NEGR1: variants seen among roughly 807,000 people sequenced by gnomAD.
NEGR1 encodes neuronal growth regulator 1, also known as IgLON family member 4.
NEGR1 carries 10 observed loss-of-function variants against 40.9 expected under a neutral mutation model. The ratio of observed to expected loss-of-function variants is 0.24; its 90% CI spans 0.15 to 0.42. The LOEUF (loss-of-function observed/expected upper bound fraction) is 0.42, where lower values mean the gene tolerates loss of function less well. Ranked by LOEUF, NEGR1 falls within the 10% of genes least tolerant of loss-of-function variation. The probability of loss-of-function intolerance (pLI) is 1.00; values close to 1 mark genes in which losing one functional copy is unlikely to be tolerated. For missense variants in NEGR1, 352 were observed against 438.9 expected (o/e 0.80, Z 1.77); for synonymous variants, 185 against 166.8 (o/e 1.11, Z -0.84).
intron 4 of NEGR1, among the ~76,000 whole-genome samples, chr1:71,676,016 TTACC>T (rs1289078920): frequency 6.6e-6 from 1 of 152,140 alleles, no homozygotes; most frequent in East Asian, 1.9e-4. Flanking sequence ...TTCCACCATG[TTACC>T]TACCAAATTT....
intron 4 of NEGR1, among the ~76,000 whole-genome samples, chr1:71,674,463 T>C (rs1329845255): frequency 6.6e-6 from 1 of 152,170 alleles, no homozygotes; most frequent in Non-Finnish European, 1.5e-5. Context: ...AAAGATGGCA[T>C]ATATTTTGTT....
intron 2 of NEGR1, among the ~76,000 whole-genome samples, chr1:71,831,210 A>G (rs1420943610): frequency 6.6e-6 from 1 of 151,948 alleles, no homozygotes; most frequent in Admixed American, 6.6e-5. Flanking sequence ...CAGACACTGG[A>G]AATTTCATGT....
At chr1:71,858,198 A>T (rs759245326) in intron 2 of NEGR1, among the ~76,000 whole-genome samples, 15 of 152,102 alleles carry the variant, frequency 9.9e-5, no homozygotes, top group Non-Finnish European at 1.8e-4. Context: ...TACTATTGAG[A>T]CATCCTTCTC....
intron 1 of NEGR1, among the ~76,000 whole-genome samples, chr1:72,113,737 G>C (rs1649474606): frequency 6.6e-6 from 1 of 151,624 alleles, no homozygotes; most frequent in African/African-American, 2.4e-5. Context: ...CCTTAATCCT[G>C]GATTTTCTGT....
intron 1 of NEGR1, among the ~76,000 whole-genome samples, chr1:72,053,305 G>T (rs1454868550): frequency 6.6e-6 from 1 of 150,914 alleles, no homozygotes; most frequent in Non-Finnish European, 1.5e-5. Context: ...AAGAAAACTG[G>T]TAACTGGGTA....
intron 1 of NEGR1, among the ~76,000 whole-genome samples, chr1:72,011,431 C>T (rs147809838): frequency 1.8e-4 from 27 of 152,166 alleles, no homozygotes; most frequent in African/African-American, 6.3e-4. Flanking sequence ...AGATCAAACA[C>T]TCTTAGATAT....
chr1:71,429,689 T>C (rs1282786790), intron 6 of NEGR1, among the ~76,000 whole-genome samples: 1 of 152,206 alleles, frequency 6.6e-6, no homozygotes, highest in Non-Finnish European at 1.5e-5. Flanking sequence ...TGACATACTA[T>C]GGTTACGGTT....
At chr1:71,456,514 A>C (rs938108156) in intron 6 of NEGR1, among the ~76,000 whole-genome samples, 2 of 152,204 alleles carry the variant, frequency 1.3e-5, no homozygotes, top group Admixed American at 1.3e-4. Context: ...ACGCATTCCC[A>C]GGTCTGCTCA....
chr1:71,924,865 A>G (rs192755261), intron 2 of NEGR1, among the ~76,000 whole-genome samples: 52 of 152,210 alleles, frequency 3.4e-4, no homozygotes, highest in Non-Finnish European at 5.9e-4. Context: ...TAAGCAATCT[A>G]AGTCATGAAT....
chr1:71,918,271 C>G (rs1470866472), intron 2 of NEGR1, among the ~76,000 whole-genome samples: 2 of 92,750 alleles, frequency 2.2e-5, no homozygotes, highest in East Asian at 6.7e-4. Flanking sequence ...AAGAAGAACA[C>G]ATCATACTGT....
chr1:72,002,261 T>C (rs1284924442), intron 1 of NEGR1, among the ~76,000 whole-genome samples: 1 of 152,142 alleles, frequency 6.6e-6, no homozygotes, highest in East Asian at 1.9e-4. Flanking sequence ...GTTGTTTTTA[T>C]TAATTATTAT....
At chr1:71,861,973 G>C (rs748042811) in intron 2 of NEGR1, among the ~76,000 whole-genome samples, 16 of 152,070 alleles carry the variant, frequency 1.1e-4, no homozygotes, top group Non-Finnish European at 1.6e-4. Context: ...ACACACAGGA[G>C]TGAAAATCTG....
intron 1 of NEGR1, among the ~76,000 whole-genome samples, chr1:72,077,605 C>T (rs1647799032): frequency 6.6e-6 from 1 of 151,392 alleles, no homozygotes; most frequent in Non-Finnish European, 1.5e-5. Context: ...GGCTGGGCAA[C>T]ACACTGAAAC....
At chr1:71,706,149 G>T (rs938706437) in intron 3 of NEGR1, among the ~76,000 whole-genome samples, 2 of 152,224 alleles carry the variant, frequency 1.3e-5, no homozygotes, top group Non-Finnish European at 2.9e-5. Flanking sequence ...CAGCTGTGCG[G>T]TGCACAGAGC....
At chr1:71,650,516 A>G (rs916289647) in intron 4 of NEGR1, among the ~76,000 whole-genome samples, 7 of 152,232 alleles carry the variant, frequency 4.6e-5, no homozygotes, top group African/African-American at 1.7e-4. Context: ...TTTGAAATGT[A>G]GACTGCATTT....
intron 6 of NEGR1, among the ~76,000 whole-genome samples, chr1:71,589,339 A>G (rs1649420883): frequency 6.6e-6 from 1 of 151,974 alleles, no homozygotes; most frequent in Admixed American, 6.6e-5. Context: ...TGCTAATTTT[A>G]CTTGGATTTC....
chr1:71,951,057 C>CA (rs1646066122), intron 1 of NEGR1, among the ~76,000 whole-genome samples: 1 of 151,592 alleles, frequency 6.6e-6, no homozygotes, highest in South Asian at 2.1e-4. Flanking sequence ...GGACTTAGTA[C>CA]AAAAAATAGG....
intron 1 of NEGR1, among the ~76,000 whole-genome samples, chr1:71,968,617 T>C (rs528633571): frequency 6.6e-6 from 1 of 152,312 alleles, no homozygotes; most frequent in African/African-American, 2.4e-5. Context: ...ACATATTTTG[T>C]ATAGAAAAGG....
intron 3 of NEGR1, among the ~76,000 whole-genome samples, chr1:71,766,944 G>A (rs540302794): frequency 1.6e-4 from 24 of 152,196 alleles, no homozygotes; most frequent in African/African-American, 5.1e-4. Context: ...TGTCATGACC[G>A]TAAGTATCCT....
Sources: gnomAD v4.1 joint callset for allele counts (sites outside exome capture counted in the v4.1 genomes callset) on GRCh38, gnomAD v4.1.1 for gene constraint, MANE v1.5 for transcripts, NCBI Gene and HGNC (gene_info 2026-07-23, HGNC 2026-07-21) for gene names.